SHANK2: variants seen among roughly 807,000 people sequenced by gnomAD.
SHANK2 encodes SH3 and multiple ankyrin repeat domains 2, also known as SH3 and multiple ankyrin repeat domains protein 2.
In SHANK2, 43 loss-of-function variants were observed where a neutral mutation model predicts 133.7. The observed-to-expected ratio is 0.32, with a 90% confidence interval of 0.25 to 0.41. SHANK2 has a LOEUF of 0.41. Among genes scored for constraint, SHANK2 ranks in the 10% least tolerant of loss-of-function variants. The pLI, the probability that SHANK2 is intolerant of heterozygous loss-of-function variation, is 1.00. For synonymous variants in SHANK2, 1,017 were observed against 952.8 expected (o/e 1.07, Z -1.24); for missense variants, 1,994 against 2,235.8 (o/e 0.89, Z 2.18).
At chr11:71,190,878 G>A (rs1555115296) in intron 2 of SHANK2, among the ~76,000 whole-genome samples, 1 of 152,152 alleles carries the variant, frequency 6.6e-6, no homozygotes, top group African/African-American at 2.4e-5. Context: ...GAAGGCCATT[G>A]TGAAGCTTAA....
chr11:70,504,381 G>T (rs2059106534), intron 17 of SHANK2, among the ~76,000 whole-genome samples: 1 of 127,780 alleles, frequency 7.8e-6, no homozygotes, highest in South Asian at 2.8e-4. Flanking sequence ...ACAGGCCCAG[G>T]ATGTGCCAGT....
intron 3 of SHANK2, among the ~76,000 whole-genome samples, chr11:71,119,411 C>T (rs1439232736): frequency 6.6e-6 from 1 of 152,038 alleles, no homozygotes; most frequent in Non-Finnish European, 1.5e-5. Flanking sequence ...GAAACCCCAT[C>T]GCTGCTAAAA....
At chr11:70,580,189 C>A (rs529431437) in intron 17 of SHANK2, among the ~76,000 whole-genome samples, 1 of 152,232 alleles carries the variant, frequency 6.6e-6, no homozygotes, top group Non-Finnish European at 1.5e-5. Flanking sequence ...CAGGCTGCTG[C>A]GAAGGGACAC....
At chr11:70,784,343 G>GTTTTTT (rs71049942) in intron 14 of SHANK2, among the ~76,000 whole-genome samples, 1,227 of 42,830 alleles carry the variant, frequency 0.029, 275 homozygotes, top group African/African-American at 0.08. Context: ...ACACCGGCTA[G>GTTTTTT]TTTTTTTTTT....
chr11:70,929,270 T>G (rs1165255246), intron 10 of SHANK2, among the ~76,000 whole-genome samples: 1 of 152,198 alleles, frequency 6.6e-6, no homozygotes, highest in Non-Finnish European at 1.5e-5. Flanking sequence ...CACTTACTAC[T>G]CAACCTCGGT....
chr11:71,141,469 T>C (rs1418237881), intron 3 of SHANK2, among the ~76,000 whole-genome samples: 3 of 152,018 alleles, frequency 2.0e-5, no homozygotes, highest in East Asian at 1.9e-4. Flanking sequence ...GATGGCGCCA[T>C]TGCACTCCAG....
intron 17 of SHANK2, among the ~76,000 whole-genome samples, chr11:70,528,387 C>T (rs1232541943): frequency 6.6e-6 from 1 of 152,178 alleles, no homozygotes; most frequent in Non-Finnish European, 1.5e-5. Flanking sequence ...ATGCAGGTGC[C>T]ACCTGGTGGC....
At chr11:70,798,679 C>A in intron 13 of SHANK2, 123 bp from the exon 14 acceptor site, 2 of 648,664 alleles carry the variant, frequency 3.1e-6, no homozygotes, top group Admixed American at 2.2e-5. Context: ...GCCTGCAGAG[C>A]AAGCGGCTCT....
At chr11:70,627,125 T>G (rs539797261) in intron 17 of SHANK2, among the ~76,000 whole-genome samples, 1 of 152,242 alleles carries the variant, frequency 6.6e-6, no homozygotes, top group East Asian at 1.9e-4. Context: ...GCACTAAAGG[T>G]TCCTGTTTTT....
At chr11:70,894,774 C>G (rs1949908247) in intron 11 of SHANK2, among the ~76,000 whole-genome samples, 1 of 152,184 alleles carries the variant, frequency 6.6e-6, no homozygotes, top group South Asian at 2.1e-4. Context: ...GTGCCAGCAA[C>G]AACCCCTGTC....
At chr11:71,228,767 A>G (rs1229046542) in intron 1 of SHANK2, among the ~76,000 whole-genome samples, 2 of 152,234 alleles carry the variant, frequency 1.3e-5, no homozygotes, top group African/African-American at 4.8e-5. Context: ...TCAAAAATTA[A>G]TTAATAATTT....
In SHANK2 at chr11:71,206,450, G is replaced by A. The variant is rs932794897; in HGVS notation, c.-13+18247C>T. ...GCCACTCAGAGTGTCAGGAAGCACA[G>A]GAGCGTAAATATTTAGAGAAAGCCG... On this transcript the variant is annotated intron_variant, in intron 2 of 25. Coordinates refer to ENST00000601538, the MANE Select transcript of SHANK2 (RefSeq NM_012309.5). Among the ~76,000 whole-genome samples, 9 of 152,276 alleles carry A rather than the reference G, an allele frequency of 5.9e-5. No homozygotes were observed. The South Asian group carries it at 1.9e-3, about 32-fold the overall frequency.
intron 17 of SHANK2, among the ~76,000 whole-genome samples, chr11:70,579,075 G>A (rs1320132941): frequency 6.6e-6 from 1 of 152,136 alleles, no homozygotes; most frequent in African/African-American, 2.4e-5. Context: ...GGATCCAGGG[G>A]AGTAGAAACA....
chr11:71,151,246 C>A (rs376751386), intron 2 of SHANK2, among the ~76,000 whole-genome samples: 1 of 150,812 alleles, frequency 6.6e-6, no homozygotes, highest in African/African-American at 2.5e-5. Context: ...AGGAACCTCC[C>A]GGGGAGGCCA....
intron 14 of SHANK2, among the ~76,000 whole-genome samples, chr11:70,709,908 T>C (rs1459811669): frequency 6.6e-6 from 1 of 151,956 alleles, no homozygotes; most frequent in Non-Finnish European, 1.5e-5. Context: ...GGGTAGGATG[T>C]CCTCGGAGCT....
chr11:70,653,750 T>C (rs1555010791), intron 17 of SHANK2, among the ~76,000 whole-genome samples: 1 of 152,202 alleles, frequency 6.6e-6, no homozygotes, highest in African/African-American at 2.4e-5. Flanking sequence ...AGCACAGAGC[T>C]GGCATTCAAT....
At chr11:71,215,379 T>C (rs1360186195) in intron 2 of SHANK2, among the ~76,000 whole-genome samples, 3 of 152,162 alleles carry the variant, frequency 2.0e-5, no homozygotes, top group South Asian at 2.1e-4. Context: ...CTCAAGGCTT[T>C]GTGTCTCCCA....
chr11:70,599,859 AATAAAAAG>A (rs1554990474), intron 17 of SHANK2, among the ~76,000 whole-genome samples: 6 of 87,300 alleles, frequency 6.9e-5, no homozygotes, highest in Admixed American at 2.6e-4. Context: ...GAAAGAAAGA[AATAAAAAG>A]AAAGAAAGAA....
intron 17 of SHANK2, among the ~76,000 whole-genome samples, chr11:70,654,791 G>A (rs529817332): frequency 2.8e-5 from 4 of 144,376 alleles, no homozygotes; most frequent in South Asian, 2.2e-4. Flanking sequence ...TTTTTGAGAC[G>A]GAGTTTTGCT....
Sources: gnomAD v4.1 joint callset for allele counts (sites outside exome capture counted in the v4.1 genomes callset) on GRCh38, gnomAD v4.1.1 for gene constraint, MANE v1.5 for transcripts, NCBI Gene and HGNC (gene_info 2026-07-23, HGNC 2026-07-21) for gene names.